Variants in PTPRM observed in about 807,000 individuals in gnomAD.
PTPRM encodes receptor-type tyrosine-protein phosphatase mu.
A neutral mutation model predicts 186.7 loss-of-function variants in PTPRM; 47 were observed. That is an observed-to-expected ratio of 0.25 (90% CI 0.20 to 0.32). The LOEUF is 0.32. Ranked by LOEUF, PTPRM falls within the 10% of genes least tolerant of loss-of-function variation. The pLI, the probability that PTPRM is intolerant of heterozygous loss-of-function variation, is 1.00. For synonymous variants in PTPRM, 668 were observed against 674.9 expected (o/e 0.99, Z 0.16); for missense variants, 1,494 against 1,865.0 (o/e 0.80, Z 3.66).
intron 1 of PTPRM, among the ~76,000 whole-genome samples, chr18:7,616,623 G>C (rs535853434): frequency 3.9e-5 from 6 of 152,258 alleles, no homozygotes; most frequent in African/African-American, 1.4e-4. Context: ...CCCACTACCA[G>C]CCCGGGCACC....
intron 2 of PTPRM, among the ~76,000 whole-genome samples, chr18:7,860,715 G>A (rs531994274): frequency 3.5e-4 from 53 of 152,292 alleles, no homozygotes; most frequent in Non-Finnish European, 6.5e-4. Context: ...AGTATGCAGG[G>A]AAATAATCTT....
intron 11 of PTPRM, among the ~76,000 whole-genome samples, chr18:8,099,120 C>G (rs2091159158): frequency 6.6e-6 from 1 of 152,086 alleles, no homozygotes; most frequent in South Asian, 2.1e-4. Flanking sequence ...CACACACACA[C>G]AGTCTCTCCA....
At chr18:8,052,490 T>C (rs1039231583) in intron 7 of PTPRM, among the ~76,000 whole-genome samples, 1 of 152,196 alleles carries the variant, frequency 6.6e-6, no homozygotes, top group Non-Finnish European at 1.5e-5. Context: ...GTTTGTAACC[T>C]AGGGGCAGTA....
intron 11 of PTPRM, among the ~76,000 whole-genome samples, chr18:8,112,019 C>T (rs2091778556): frequency 6.6e-6 from 1 of 152,198 alleles, no homozygotes; most frequent in African/African-American, 2.4e-5. Flanking sequence ...GACCTTGACC[C>T]TTTACCTTTA....
chr18:7,586,209 C>T (rs1178968349), intron 1 of PTPRM, among the ~76,000 whole-genome samples: 1 of 152,148 alleles, frequency 6.6e-6, no homozygotes, highest in Non-Finnish European at 1.5e-5. Context: ...TACAATCACG[C>T]TGCATACATC....
chr18:7,756,693 A>C (rs943435080), intron 1 of PTPRM, among the ~76,000 whole-genome samples: 1 of 152,042 alleles, frequency 6.6e-6, no homozygotes, highest in Non-Finnish European at 1.5e-5. Context: ...ACAATATACA[A>C]TATATATATA....
At chr18:8,098,370 G>A (rs374567172) in intron 11 of PTPRM, among the ~76,000 whole-genome samples, 5 of 152,122 alleles carry the variant, frequency 3.3e-5, no homozygotes, top group Non-Finnish European at 7.4e-5. Context: ...CTAATTAAGA[G>A]TGCAATAAAT....
rs887983549 is a variant in PTPRM at position 7,697,608 on chromosome 18, T to C, written c.74-76541T>C. Among the ~76,000 whole-genome samples, 26 of 152,348 alleles carry C rather than the reference T, an allele frequency of 1.7e-4. 1 individual carries two copies. The highest frequency in any genetic ancestry group is 2.4e-4 in the Non-Finnish European group (16 of 68,022). ...CTTAGAAGACATCTCAATGGTTGAA[T>C]AGAGAGTCTTAAGGCAGCGAGGTGA... On this transcript the variant is annotated intron_variant, in intron 1 of 32. Transcript: ENST00000580170.
rs114300790 is a variant in PTPRM, at chr18:7,921,967, T to C, written c.548-4601T>C. ...ATGTCTATGTCTTTGCATTGAAGGGTTGGTTATTTATTCCAGTCTTCCCAG... is the reference window on the plus strand; with the variant it reads ...ATGTCTATGTCTTTGCATTGAAGGGCTGGTTATTTATTCCAGTCTTCCCAG... On this transcript the variant is annotated intron_variant, in intron 4 of 32. Transcript: ENST00000580170. 5.9e-3 allele frequency among the ~76,000 whole-genome samples: 905 copies of C among 152,296 alleles called. 14 individuals are homozygous for C. Among genetic ancestry groups the C allele is most frequent in the African/African-American group, 0.02 (835 of 41,566 alleles).
intron 7 of PTPRM, among the ~76,000 whole-genome samples, chr18:8,056,550 A>G (rs750949151): frequency 6.6e-6 from 1 of 152,092 alleles, no homozygotes; most frequent in Non-Finnish European, 1.5e-5. Flanking sequence ...TGAAACCAGA[A>G]GGTGGAGGTT....
intron 14 of PTPRM, among the ~76,000 whole-genome samples, chr18:8,185,836 A>G (rs555741583): frequency 1.3e-5 from 2 of 152,350 alleles, no homozygotes; most frequent in South Asian, 4.1e-4. Context: ...GAGGAAAAAC[A>G]AAATAAAATA....
intron 7 of PTPRM, among the ~76,000 whole-genome samples, chr18:7,959,717 C>A (rs1202459192): frequency 6.6e-6 from 1 of 152,216 alleles, no homozygotes; most frequent in Non-Finnish European, 1.5e-5. Flanking sequence ...GGCAGCAACA[C>A]CTGCCCTGAC....
chr18:7,738,560 C>T (rs552051276), intron 1 of PTPRM, among the ~76,000 whole-genome samples: 272 of 151,688 alleles, frequency 1.8e-3, no homozygotes, highest in Non-Finnish European at 2.8e-3. Flanking sequence ...CTCAGCCTCC[C>T]GAGTAGCTGG....
intron 14 of PTPRM, among the ~76,000 whole-genome samples, chr18:8,148,238 T>C (rs2092928381): frequency 6.6e-6 from 1 of 152,178 alleles, no homozygotes; most frequent in South Asian, 2.1e-4. Context: ...AGCTCCTCTT[T>C]GTACCTCTGG....
intron 3 of PTPRM, among the ~76,000 whole-genome samples, chr18:7,903,952 T>G (rs1172007114): frequency 2.0e-5 from 3 of 152,234 alleles, no homozygotes; most frequent in Non-Finnish European, 4.4e-5. Flanking sequence ...AAAATTGAGT[T>G]TAAAGATTGC....
At chr18:8,118,265 G>A (rs1027755266) in intron 13 of PTPRM, among the ~76,000 whole-genome samples, 25 of 152,074 alleles carry the variant, frequency 1.6e-4, no homozygotes, top group African/African-American at 6.0e-4. Context: ...TAGCCATTTG[G>A]GAGCTTTCCT....
intron 2 of PTPRM, among the ~76,000 whole-genome samples, chr18:7,839,441 C>T (rs1342469616): frequency 6.6e-6 from 1 of 152,150 alleles, no homozygotes; most frequent in Non-Finnish European, 1.5e-5. Flanking sequence ...CACTTCAAGG[C>T]AGTAGGTTCC....
intron 2 of PTPRM, among the ~76,000 whole-genome samples, chr18:7,824,427 C>CTGTGTGTG (rs10565296): frequency 3.3e-5 from 5 of 150,244 alleles, no homozygotes; most frequent in African/African-American, 1.2e-4. Flanking sequence ...TTGGATTTTC[C>CTGTGTGTG]TGTGTGTGTG....
chr18:7,617,022 A>G (rs1007756708), intron 1 of PTPRM, among the ~76,000 whole-genome samples: 5 of 152,206 alleles, frequency 3.3e-5, no homozygotes, highest in Admixed American at 1.3e-4. Context: ...ATTCACAAAA[A>G]ATCAGAAGGG....
Sources: allele counts gnomAD v4.1 joint callset (sites outside exome capture counted in the v4.1 genomes callset), GRCh38; gene constraint gnomAD v4.1.1; transcripts MANE v1.5; gene names NCBI Gene and HGNC (gene_info 2026-07-23, HGNC 2026-07-21).